Variants in HLA-DRB1 observed in about 807,000 individuals in gnomAD.
HLA-DRB1 encodes major histocompatibility complex, class II, DR beta 1 precursor.
HLA-DRB1 carries 10 observed loss-of-function variants against 27.9 expected under a neutral mutation model. The ratio of observed to expected loss-of-function variants is 0.36; its 90% confidence interval spans 0.22 to 0.61. HLA-DRB1 has a LOEUF of 0.61. Among genes scored for constraint, HLA-DRB1 ranks in the 20% least tolerant of loss-of-function variants. The pLI, the probability that HLA-DRB1 is intolerant of heterozygous loss-of-function variation, is 0.73. For synonymous variants in HLA-DRB1, 57 were observed against 126.7 expected (o/e 0.45, Z 3.69); for missense variants, 118 against 306.3 (o/e 0.39, Z 4.59).
chr6:32,580,813 G>C (rs368802150), exon 4 of HLA-DRB1: 3 of 1,612,658 alleles, frequency 1.9e-6, no homozygotes, highest in Non-Finnish European at 2.5e-6. Context: ...CAAAGCCCCC[G>C]ACTCCACTCA....
At chr6:32,579,333 T>C (rs1455645881) in intron 5 of HLA-DRB1, among the ~76,000 whole-genome samples, 2 of 91,972 alleles carry the variant, frequency 2.2e-5, no homozygotes, top group Non-Finnish European at 4.6e-5. Flanking sequence ...CTATTATTTC[T>C]GTCTCATGCC....
intron 1 of HLA-DRB1, among the ~76,000 whole-genome samples, chr6:32,585,786 A>G (rs35754487): frequency 3.6e-5 from 5 of 137,806 alleles, no homozygotes; most frequent in Admixed American, 7.5e-5. Flanking sequence ...TTAAACTGCA[A>G]TCTGATTTCC....
At chr6:32,584,589 C>T (rs9269979) in intron 1 of HLA-DRB1, among the ~76,000 whole-genome samples, 2 of 126,644 alleles carry the variant, frequency 1.6e-5, no homozygotes, top group African/African-American at 2.9e-5. Context: ...AACCCCTTCT[C>T]ATCCCCAGGC....
chr6:32,580,916 C>T (rs200644538), intron 3 of HLA-DRB1, 60 bp from the exon 4 acceptor site: 66,118 of 1,114,720 alleles, frequency 0.059, 1,374 homozygotes, highest in Non-Finnish European at 0.067. Flanking sequence ...TTACTTGAGA[C>T]TCTAAGATTT....
chr6:32,588,865 C>T (rs9270221), intron 1 of HLA-DRB1, among the ~76,000 whole-genome samples: 83,607 of 120,198 alleles, frequency 0.7, 30,930 homozygotes, highest in Middle Eastern at 0.84. Context: ...ATAGGAGATG[C>T]AAGAGAAACA....
intron 1 of HLA-DRB1, among the ~76,000 whole-genome samples, chr6:32,587,988 A>C (rs35847643): frequency 6.6e-6 from 1 of 150,712 alleles, no homozygotes; most frequent in African/African-American, 2.5e-5. Context: ...GGGATCCTGG[A>C]AAGCAAGAAG....
intron 1 of HLA-DRB1, among the ~76,000 whole-genome samples, chr6:32,587,570 A>G (rs116239728): frequency 0.15 from 14,215 of 92,482 alleles, 2,552 homozygotes; most frequent in Admixed American, 0.17. Flanking sequence ...CCTCCACATA[A>G]TTTAACACAT....
chr6:32,588,663 C>A (rs1776888723), intron 1 of HLA-DRB1, among the ~76,000 whole-genome samples: 1 of 62,764 alleles, frequency 1.6e-5, no homozygotes. Context: ...CAATGAGTTC[C>A]CAAGACTTGC....
At chr6:32,582,334 G>T (rs111498499) in intron 2 of HLA-DRB1, among the ~76,000 whole-genome samples, 1 of 126,918 alleles carries the variant, frequency 7.9e-6, no homozygotes, top group Non-Finnish European at 1.6e-5. Flanking sequence ...TTCAGTTTAT[G>T]AGGTCAGAAA....
intron 2 of HLA-DRB1, among the ~76,000 whole-genome samples, chr6:32,582,562 C>T (rs28723999): frequency 5.3e-4 from 52 of 97,928 alleles, no homozygotes; most frequent in African/African-American, 1.1e-3. Context: ...ATTGTTCTGC[C>T]CCTGGGAAGG....
At chr6:32,584,346 G>A (rs17879702) in exon 2 of HLA-DRB1, 46,711 of 928,486 alleles carry the variant, frequency 0.05, 4,662 homozygotes, top group East Asian at 0.15. Flanking sequence ...TTGAAGAAAT[G>A]ACACTCCCTC....
At chr6:32,586,195 G>T in intron 1 of HLA-DRB1, among the ~76,000 whole-genome samples, 1 of 127,066 alleles carries the variant, frequency 7.9e-6, no homozygotes, top group Non-Finnish European at 1.7e-5. Flanking sequence ...CTTCTCTTCA[G>T]CTTCTTTAGC....
At chr6:32,588,500 T>A (rs9270204) in intron 1 of HLA-DRB1, among the ~76,000 whole-genome samples, 6,527 of 42,412 alleles carry the variant, frequency 0.15, 1,605 homozygotes, top group Middle Eastern at 0.38. Flanking sequence ...AGTGCTAAGG[T>A]TCTGTGCAAG....
intron 1 of HLA-DRB1, among the ~76,000 whole-genome samples, chr6:32,584,690 C>T (rs28724129): frequency 2.5e-5 from 2 of 81,480 alleles, no homozygotes; most frequent in Non-Finnish European, 5.0e-5. Flanking sequence ...GCCCGCGCCG[C>T]CTCCTCCTGG....
intron 1 of HLA-DRB1, among the ~76,000 whole-genome samples, chr6:32,584,775 A>C (rs1776154180): frequency 2.5e-5 from 2 of 79,710 alleles, no homozygotes; most frequent in Non-Finnish European, 5.1e-5. Context: ...CACCGCGTTC[A>C]CCCTGTGAAC....
At chr6:32,583,943 C>T (rs9269933) in intron 2 of HLA-DRB1, among the ~76,000 whole-genome samples, 166 bp downstream of exon 2, 1,240 of 15,212 alleles carry the variant, frequency 0.082, 337 homozygotes, top group Middle Eastern at 0.19. Flanking sequence ...TTGCTCCGGA[C>T]TGAGAGGATT....
intron 2 of HLA-DRB1, among the ~76,000 whole-genome samples, chr6:32,582,268 G>A (rs28723985): frequency 0.19 from 22,202 of 116,954 alleles, no homozygotes; most frequent in East Asian, 0.25. Flanking sequence ...TTACCTCTTG[G>A]GGTTATATGA....
At chr6:32,589,224 A>C (rs9270250) in intron 1 of HLA-DRB1, among the ~76,000 whole-genome samples, 20,297 of 107,944 alleles carry the variant, frequency 0.19, 29 homozygotes, top group African/African-American at 0.23. Context: ...GGAACCTAAC[A>C]CTGGATCGTC....
intron 2 of HLA-DRB1, among the ~76,000 whole-genome samples, chr6:32,582,948 A>T (rs28724026): frequency 0.1 from 11,484 of 112,470 alleles, 199 homozygotes; most frequent in Admixed American, 0.15. Flanking sequence ...GATCATTAAT[A>T]AAAATGTTGC....
Sources: gnomAD v4.1 joint callset for allele counts (sites outside exome capture counted in the v4.1 genomes callset) on GRCh38, gnomAD v4.1.1 for gene constraint, MANE v1.5 for transcripts, NCBI Gene and HGNC (gene_info 2026-07-23, HGNC 2026-07-21) for gene names.